Variants in RELA observed in about 807,000 individuals in gnomAD.
RELA encodes the protein RELA proto-oncogene, NF-kB subunit, also known as transcription factor p65.
Under a neutral mutation model 56.7 loss-of-function variants are expected in RELA, and 14 were observed. The observed-to-expected ratio is 0.25, with a 90% CI of 0.16 to 0.39. RELA has a LOEUF of 0.39. Ranked by LOEUF, RELA falls within the 10% of genes least tolerant of loss-of-function variation. The pLI is 1.00. For synonymous variants in RELA, 315 were observed against 289.7 expected (o/e 1.09, Z -0.89); for missense variants, 559 against 736.4 (o/e 0.76, Z 2.79).
In RELA at chr11:65,662,087, C is replaced by G. The variant is rs1338619714; in HGVS notation, c.36G>C (p.Glu12Asp). 1 of 1,610,022 alleles carries G rather than the reference C, an allele frequency of 6.2e-7. No individual in the cohort carries two copies. The highest frequency in any genetic ancestry group is 1.1e-5 in the South Asian group (1 of 90,588). ...DELFPLIFPAEPAQASGPYVE... is the reference protein window; with the variant it reads ...DELFPLIFPADPAQASGPYVE... ...CATAGGGGCCAGAGGCCTGGGCTGG[C>G]TCTGCCAGGGGACACCGCAGCCCCA... is the stretch of plus-strand genomic sequence containing the variant. Residue 12 changes from glutamate (E) to aspartate (D), a missense_variant and splice_region_variant, in exon 3 of 11, where the codon GAG (glutamate) becomes GAC (aspartate). This residue lies in a region of RELA where 21 missense variants were observed against 17.4 expected (regional missense o/e 1.21). Coordinates refer to ENST00000406246, the MANE Select transcript of RELA (RefSeq NM_021975.4).
chr11:65,662,401 G>A (rs752074104), intron 1 of RELA, 196 bp from the exon 2 acceptor site: 100 of 601,270 alleles, frequency 1.7e-4, no homozygotes, highest in Non-Finnish European at 2.6e-4. Context: ...GGAAAACGGG[G>A]TAAGGAATCC....
rs11568297 is a variant in RELA at position 65,659,522 on chromosome 11, A to G, written c.559+144T>C. The stretch of plus-strand genomic sequence containing the variant: ...TCTTTGCCCTCTCTCCCCAGCCAAC[A>G]AAGAGCTGGGCAGAGAAGAGTAGAC... On this transcript the variant is annotated intron_variant, in intron 6 of 10. Coordinates refer to ENST00000406246, the MANE Select transcript of RELA (RefSeq NM_021975.4). 7,554 of 1,095,702 alleles carry G rather than the reference A, an allele frequency of 6.9e-3. 332 individuals are homozygous for G. In the African/African-American group the frequency reaches 0.097, roughly 14 times the overall value. The allele number at this position is 1,095,702 out of a possible 1,614,324, so 67.9% of individuals were successfully genotyped here.
chr11:65,661,233 C>T (rs1170177117), intron 4 of RELA, among the ~76,000 whole-genome samples: 1 of 151,944 alleles, frequency 6.6e-6, no homozygotes, highest in African/African-American at 2.4e-5. Flanking sequence ...CACTATGTTG[C>T]CTTGGCTAGT....
intron 10 of RELA, chr11:65,655,431 A>G: frequency 1.7e-6 from 1 of 586,682 alleles, no homozygotes; most frequent in Non-Finnish European, 3.0e-6. Context: ...CCCCCAATTC[A>G]AGTGAGAGAT....
At position 65,654,741 on chromosome 11, in the gene RELA, A is replaced by C; in HGVS notation, c.1293T>G (p.Ala431=). Reference sequence around the variant, plus strand: ...GGGCCTCTGACAGCGTTCCTTCCCCAGCCTGGGTGGGCTTGGGGGCAGGTG... The same window carrying C: ...GGGCCTCTGACAGCGTTCCTTCCCCCGCCTGGGTGGGCTTGGGGGCAGGTG... The part of the protein sequence containing the change: ...VAPPAPKPTQ[A]GEGTLSEALL... The change falls in exon 11 of 11, where the codon GCT becomes GCG. Residue 431 remains alanine, a synonymous_variant. Coordinates refer to ENST00000406246, the MANE Select transcript of RELA (RefSeq NM_021975.4). The C allele has an allele frequency of 6.6e-7, 1 of 1,516,262 alleles. No individual in the cohort carries two copies. Among genetic ancestry groups the C allele is most frequent in the Non-Finnish European group, 8.8e-7 (1 of 1,133,096 alleles). 93.9% of individuals were successfully genotyped at this position (1,516,262 alleles called of 1,614,324 possible).
intron 1 of RELA, 127 bp from the exon 2 acceptor site, chr11:65,662,332 A>G: frequency 8.7e-7 from 1 of 1,154,940 alleles, no homozygotes; most frequent in Non-Finnish European, 1.2e-6. Flanking sequence ...CCTGCTCCCT[A>G]GAACCTGCGG....
Position 65,658,949 on chromosome 11 carries a change from G to T in RELA, c.560-127C>A. 1.4e-6 allele frequency: 1 copy of T among 733,410 alleles called. No homozygotes were observed. Among genetic ancestry groups the T allele is most frequent in the Admixed American group, 2.0e-5 (1 of 49,204 alleles). The allele number at this position is 733,410 out of a possible 1,614,324, so 45.4% of individuals were successfully genotyped here. A position where few individuals can be genotyped will look rare whatever the true frequency, so the allele number is the denominator to read the frequency against. ...CCCAGAGCTTGCCACCTACACCTTTGTAGCCAAAGTCAGACCTTCTTATTA... is the reference window on the plus strand; with the variant it reads ...CCCAGAGCTTGCCACCTACACCTTTTTAGCCAAAGTCAGACCTTCTTATTA... On this transcript the variant is annotated intron_variant, in intron 6 of 10. Transcript: ENST00000406246. This position sits in a 1 kb window ranked among gnomAD's most constrained non-coding sequence, Gnocchi z 4.5.
intron 1 of RELA, 138 bp downstream of exon 1, chr11:65,662,688 C>T: frequency 3.2e-6 from 2 of 618,420 alleles, no homozygotes; most frequent in South Asian, 8.0e-5. Flanking sequence ...CCCCGCCCCG[C>T]GCCACCATCC....
chr11:65,654,619 G>T lies in RELA; in HGVS notation c.1415C>A (p.Ser472Tyr). ...CTGGTTCAGCAGCTGCTGAAACTCG[G>T]AGTTGTCGACGGATGCCAGGTCTGT... ...VFTDLASVDN[S>Y]EFQQLLNQGI... The change falls in exon 11 of 11, where the codon TCC becomes TAC. Residue 472 changes from serine (S) to tyrosine (Y), a missense_variant. Coordinates refer to ENST00000406246, the MANE Select transcript of RELA (RefSeq NM_021975.4). The T allele has an allele frequency of 6.2e-7, 1 of 1,609,870 alleles. No homozygotes were observed. The highest frequency in any genetic ancestry group is 2.2e-5 in the East Asian group (1 of 44,868).
chr11:65,655,777 C>T lies in RELA; in HGVS notation c.959-15G>A. ...GTCGGTGGGTCCTGTAGGGCAAGGGCTAGGTCAGTTCTCAGCCCCAGGGTG... is the reference window on the plus strand; with the variant it reads ...GTCGGTGGGTCCTGTAGGGCAAGGGTTAGGTCAGTTCTCAGCCCCAGGGTG... On this transcript the variant is annotated splice_polypyrimidine_tract_variant and intron_variant, in intron 9 of 10. Coordinates refer to ENST00000406246, the MANE Select transcript of RELA (RefSeq NM_021975.4). 3 of 1,613,976 alleles carry T rather than the reference C, an allele frequency of 1.9e-6. No individual in the cohort carries two copies. Among genetic ancestry groups the T allele is most frequent in the Non-Finnish European group, 2.5e-6 (3 of 1,179,914 alleles).
rs773457000 is a variant in RELA, at chr11:65,658,444, C to T, written c.720G>A (p.Ser240=). 1.4e-5 allele frequency: 23 copies of T among 1,613,056 alleles called. No homozygotes were observed. In the South Asian group the frequency reaches 2.3e-4, roughly 16 times the overall value. Residue 240 remains serine, a synonymous_variant, in exon 8 of 11, where the codon TCG becomes TCA. Coordinates refer to ENST00000406246, the MANE Select transcript of RELA (RefSeq NM_021975.4). The surrounding 1 kb of genome is among the most constrained non-coding windows in gnomAD (Gnocchi z 4.5). ...CCACTTGTCGGTGCACATCAGCTTG[C>T]GAAAAGGAGCCTCGGGCCTCCCAGC... ...GPGWEARGSF[S]QADVHRQVAI... is the part of the protein sequence containing the mutation.
At chr11:65,662,370 C>A in intron 1 of RELA, 165 bp from the exon 2 acceptor site, 1 of 727,478 alleles carries the variant, frequency 1.4e-6, no homozygotes, top group South Asian at 2.7e-5. Context: ...GGAAAGGAAC[C>A]AGAAACACCT....
In RELA at chr11:65,659,739, C is replaced by T. The variant is rs1203148030; in HGVS notation, c.486G>A (p.Gln162=). The part of the protein sequence containing the change: ...YDLNAVRLCF[Q]VTVRDPSGRP... ...TGCCTGATGGGTCCCGCACTGTCAC[C>T]TGGAAGCAGAGCCGCACAGCATTCA... The change falls in exon 6 of 11, where the codon CAG becomes CAA. Residue 162 remains glutamine, a synonymous_variant. Coordinates refer to ENST00000406246, the MANE Select transcript of RELA (RefSeq NM_021975.4). 6.2e-7 allele frequency: 1 copy of T among 1,614,016 alleles called. No individual in the cohort carries two copies. Among genetic ancestry groups the T allele is most frequent in the Non-Finnish European group, 8.5e-7 (1 of 1,180,016 alleles).
chr11:65,660,475 A>AGGACACTCATTCCCACTT, intron 4 of RELA: 1 of 520,294 alleles, frequency 1.9e-6, no homozygotes, highest in Non-Finnish European at 3.4e-6. Flanking sequence ...CTCTAAACAC[A>AGGACACTCATTCCCACTT]GGACACTCAT....
chr11:65,660,517 C>T lies in RELA; in HGVS notation c.336-302G>A, dbSNP rs954671681. 9.6e-6 allele frequency: 4 copies of T among 417,566 alleles called. No individual in the cohort carries two copies. In the South Asian group the frequency reaches 1.3e-4, roughly 13 times the overall value. The allele number at this position is 417,566 out of a possible 1,614,324, so 25.9% of individuals were successfully genotyped here. ...CTCAAGGCCTTTGCACTTGTTTGGT[C>T]GGCTTGGAATGTTCTTTTCCTACTT... On this transcript the variant is annotated intron_variant, in intron 4 of 10. Coordinates refer to ENST00000406246, the MANE Select transcript of RELA (RefSeq NM_021975.4).
Position 65,661,805 on chromosome 11 carries a change from G to T in RELA, c.217C>A (p.Arg73Ser). 1 of 1,613,512 alleles carries T rather than the reference G, an allele frequency of 6.2e-7. No individual in the cohort carries two copies. Among genetic ancestry groups the T allele is most frequent in the East Asian group, 2.2e-5 (1 of 44,872 alleles). ...INGYTGPGTV[R>S]ISLVTKDPPH... ...GGGTCCTTGGTGACCAGGGAGATGC[G>T]CACTGTCCCTGGTCCTGTGTAGCCA... Residue 73 changes from arginine (R) to serine (S), a missense_variant, in exon 4 of 11, where the codon CGC becomes AGC. Arg to Ser is a moderately radical substitution (Grantham distance 110). Transcript: ENST00000406246.
rs374751242 is a variant in RELA, at chr11:65,654,580, G to A, written c.1454C>T (p.Ala485Val). The change falls in exon 11 of 11, where the codon GCC becomes GTC. Residue 485 changes from alanine (A) to valine (V), a missense_variant. Transcript: ENST00000406246. ...CAGCATGGGCTCAGTTGTGTGGGGG[G>A]CCACAGGTATGCCCTGGTTCAGCAG... ...QQLLNQGIPV[A>V]PHTTEPMLME... 26 of 1,613,532 alleles carry A rather than the reference G, an allele frequency of 1.6e-5. No individual in the cohort carries two copies. The highest frequency in any genetic ancestry group is 1.9e-5 in the Non-Finnish European group (22 of 1,179,772).
chr11:65,660,308 T>A, intron 4 of RELA, 93 bp from the exon 5 acceptor site: 1 of 1,130,260 alleles, frequency 8.8e-7, no homozygotes, highest in Non-Finnish European at 1.3e-6. Context: ...TGCCCACCCC[T>A]AGATCATCGC....
Position 65,654,228 on chromosome 11 carries a change from A to T in RELA, c.*150T>A, listed in dbSNP as rs976769605. Reference sequence around the variant, plus strand: ...AGAGAGAGAGATACAGATACTGACAATAAAAGAATAAAATATGGCTCCCCC... The same window carrying T: ...AGAGAGAGAGATACAGATACTGACATTAAAAGAATAAAATATGGCTCCCCC... On this transcript the variant is annotated 3_prime_UTR_variant, in exon 11 of 11. Coordinates refer to ENST00000406246, the MANE Select transcript of RELA (RefSeq NM_021975.4). The T allele has an allele frequency of 5.4e-6, 5 of 927,434 alleles. No homozygotes were observed. The African/African-American group carries it at 8.2e-5, about 15-fold the overall frequency. 57.5% of individuals were successfully genotyped at this position (927,434 alleles called of 1,614,324 possible).
Sources: allele counts gnomAD v4.1 joint callset (sites outside exome capture counted in the v4.1 genomes callset), GRCh38; gene constraint gnomAD v4.1.1; regional missense constraint gnomAD v4.1.1; non-coding constraint Gnocchi (gnomAD v3.1); transcripts MANE v1.5; gene names NCBI Gene and HGNC (gene_info 2026-07-23, HGNC 2026-07-21).